The following TANC2 variants were observed in gnomAD, a reference collection of about 807,000 sequenced individuals.
TANC2 encodes tetratricopeptide repeat, ankyrin repeat and coiled-coil containing 2.
TANC2 carries 26 observed loss-of-function variants against 210.5 expected under a neutral mutation model. That is an observed-to-expected ratio of 0.12 (90% confidence interval 0.09 to 0.17). The LOEUF (loss-of-function observed/expected upper bound fraction) is 0.17. Among genes scored for constraint, TANC2 ranks in the 10% least tolerant of loss-of-function variants. The probability of loss-of-function intolerance (pLI) is 1.00; values close to 1 mark genes in which losing one functional copy is unlikely to be tolerated. For synonymous variants in TANC2, 931 were observed against 967.1 expected (o/e 0.96, Z 0.69); for missense variants, 2,129 against 2,608.9 (o/e 0.82, Z 4.01).
At chr17:63,244,993 C>T (rs570022334) in intron 8 of TANC2, among the ~76,000 whole-genome samples, 2 of 113,154 alleles carry the variant, frequency 1.8e-5, no homozygotes, top group South Asian at 2.4e-4. Context: ...TAAACCTCTT[C>T]TCCTGTGTAA....
intron 2 of TANC2, among the ~76,000 whole-genome samples, chr17:63,045,645 A>G (rs2035348367): frequency 1.3e-5 from 2 of 152,040 alleles, no homozygotes; most frequent in Non-Finnish European, 1.5e-5. Flanking sequence ...CATGTGGAGA[A>G]AGCCAATTTT....
At chr17:63,072,165 G>A (rs2144641359) in intron 2 of TANC2, among the ~76,000 whole-genome samples, 1 of 152,228 alleles carries the variant, frequency 6.6e-6, no homozygotes, top group Admixed American at 6.5e-5. Flanking sequence ...AGAGAGTGAG[G>A]TAGAAGGAAT....
At chr17:63,144,891 TTTC>T (rs1047076370) in intron 4 of TANC2, among the ~76,000 whole-genome samples, 32 of 152,226 alleles carry the variant, frequency 2.1e-4, no homozygotes, top group African/African-American at 7.2e-4. Context: ...TTTTTGTTTT[TTTC>T]TTTTCTTTAG....
rs577710845 is a variant in TANC2, at chr17:63,201,828, G to C, written c.769+871G>C. On this transcript the variant is annotated intron_variant, in intron 7 of 27. Coordinates refer to ENST00000689528, the Ensembl canonical transcript of TANC2. The stretch of plus-strand genomic sequence containing the variant: ...AGAGCCAGACGTGGACTGTTGGAGG[G>C]CTCATTCATGTTCAGGAGATAGGCC... Among the ~76,000 whole-genome samples, 511 of 149,750 alleles carry C rather than the reference G, an allele frequency of 3.4e-3. 3 individuals are homozygous for C. Among genetic ancestry groups the C allele is most frequent in the Non-Finnish European group, 5.4e-3 (366 of 67,396 alleles).
rs1302262843 is a variant in TANC2 at position 62,973,756 on chromosome 17, C to A, written c.-24+7007C>A. Among the ~76,000 whole-genome samples, 18 of 152,234 alleles carry A rather than the reference C, an allele frequency of 1.2e-4. No individual in the cohort carries two copies. In the East Asian group the frequency reaches 3.5e-3, roughly 29 times the overall value. On this transcript the variant is annotated intron_variant, in intron 1 of 27. Transcript: ENST00000689528. ...AGTTGCCAAACTATAGCCCATAGAC[C>A]AAATCCAGCCCATTGTCTGTTTTTG...
At chr17:63,359,873 G>A (rs943643064) in intron 14 of TANC2, among the ~76,000 whole-genome samples, 3 of 152,182 alleles carry the variant, frequency 2.0e-5, no homozygotes, top group African/African-American at 7.2e-5. Context: ...TATACCATGG[G>A]ATAGTTGAGT....
Position 63,288,697 on chromosome 17 carries a change from C to T in TANC2, c.1159+20824C>T, listed in dbSNP as rs1237717313. On this transcript the variant is annotated intron_variant, in intron 9 of 27. Transcript: ENST00000689528. ...ACCCCTTTATCATTATGTAATACCC[C>T]TCCCTGTTCCTAATTGTTATCTGTT... is the stretch of plus-strand genomic sequence containing the variant. Among the ~76,000 whole-genome samples the T allele has an allele frequency of 2.0e-5, 3 of 152,006 alleles. No individual in the cohort carries two copies. In the South Asian group the frequency reaches 6.2e-4, roughly 32 times the overall value.
intron 1 of TANC2, among the ~76,000 whole-genome samples, chr17:62,969,376 A>G (rs1568283582): frequency 6.6e-6 from 1 of 152,222 alleles, no homozygotes; most frequent in Non-Finnish European, 1.5e-5. Flanking sequence ...GCTCCTCATC[A>G]ATATGCTATA....
chr17:63,098,484 ACTCT>A (rs1175349288), intron 3 of TANC2, among the ~76,000 whole-genome samples: 2,130 of 72,222 alleles, frequency 0.029, 57 homozygotes, highest in African/African-American at 0.075. Context: ...ACACACATAC[ACTCT>A]CTCTCTCTCT....
chr17:63,035,883 A>C (rs1174862776), intron 2 of TANC2, among the ~76,000 whole-genome samples: 1 of 152,164 alleles, frequency 6.6e-6, no homozygotes, highest in Non-Finnish European at 1.5e-5. Context: ...TGTCAATTGT[A>C]AAAAATTTTA....
chr17:63,412,100 G>C lies in TANC2; in HGVS notation c.3868G>C (p.Val1290Leu), dbSNP rs749866687. Residue 1290 changes from valine (V) to leucine (L), a missense_variant, in exon 23 of 28, where the codon GTC (valine) becomes CTC (leucine). By Grantham distance (32) the Val-to-Leu change is conservative. Transcript: ENST00000689528. This position sits in a 1 kb window ranked among gnomAD's most constrained non-coding sequence, Gnocchi z 4.2. ...GGGGTGCCGGAACACTTCTGTTGTT[G>C]TCACTCTTCTGAAGAAAGGAGCCAA... 1.2e-6 allele frequency: 2 copies of C among 1,613,996 alleles called. No individual in the cohort carries two copies. Among genetic ancestry groups the C allele is most frequent in the Non-Finnish European group, 1.7e-6 (2 of 1,179,884 alleles).
At chr17:63,313,318 C>G (rs2045192718) in intron 9 of TANC2, 1 of 152,162 alleles carries the variant, frequency 6.6e-6, no homozygotes. Context: ...TACCTGGTTT[C>G]AGACAGATAA....
chr17:63,183,972 G>T (rs1421575014), intron 5 of TANC2, among the ~76,000 whole-genome samples: 1 of 151,056 alleles, frequency 6.6e-6, no homozygotes, highest in Non-Finnish European at 1.5e-5. Context: ...AGCCGAGATC[G>T]CGCCACTGCA....
chr17:63,171,230 ACAC>A (rs1567783288), intron 5 of TANC2, among the ~76,000 whole-genome samples: 1 of 151,302 alleles, frequency 6.6e-6, no homozygotes, highest in African/African-American at 2.4e-5. Context: ...TTACAGGCGC[ACAC>A]CACCACACCT....
At chr17:63,004,811 T>C (rs974924076) in intron 1 of TANC2, 3 of 344,376 alleles carry the variant, frequency 8.7e-6, no homozygotes, top group Non-Finnish European at 1.1e-5. Context: ...GTACCTTCTT[T>C]CCTTTCTTTA....
chr17:63,421,596 T>C lies in TANC2; in HGVS notation c.5866T>C (p.Ser1956Pro). 2 of 1,613,976 alleles carry C rather than the reference T, an allele frequency of 1.2e-6. No individual in the cohort carries two copies. Among genetic ancestry groups the C allele is most frequent in the Non-Finnish European group, 1.7e-6 (2 of 1,179,860 alleles). ...GCAGAATCGGACCTGGGCAGTGTCA[T>C]CTGTGGACACCGTCCTCAGTCCCAC... The change falls in exon 28 of 28, where the codon TCT (serine) becomes CCT (proline). Residue 1956 changes from serine (S) to proline (P), a missense_variant. Physicochemically the swap from Ser to Pro is moderately conservative, Grantham distance 74. Coordinates refer to ENST00000689528, the Ensembl canonical transcript of TANC2. The surrounding 1 kb of genome is among the most constrained non-coding windows in gnomAD (Gnocchi z 6.9).
At chr17:63,052,582 G>A (rs1438958538) in intron 2 of TANC2, among the ~76,000 whole-genome samples, 4 of 152,116 alleles carry the variant, frequency 2.6e-5, no homozygotes, top group Non-Finnish European at 4.4e-5. Context: ...CTTGATATAA[G>A]GGGTTAGCAA....
At chr17:63,204,668 A>G (rs1421897574) in intron 7 of TANC2, among the ~76,000 whole-genome samples, 1 of 152,192 alleles carries the variant, frequency 6.6e-6, no homozygotes, top group African/African-American at 2.4e-5. Flanking sequence ...TAAAAGTCAT[A>G]TGGAATCTTA....
chr17:63,189,027 C>T lies in TANC2; in HGVS notation c.434-4964C>T, dbSNP rs941153822. On this transcript the variant is annotated intron_variant, in intron 5 of 27. Coordinates refer to ENST00000689528, the Ensembl canonical transcript of TANC2. ...CAGACATTTCATATGATTGGAATCA[C>T]ACAATATGTAGTCTTTTGTGTCTGA... 6.6e-5 allele frequency among the ~76,000 whole-genome samples: 10 copies of T among 152,132 alleles called. No individual in the cohort carries two copies. The East Asian group carries it at 9.6e-4, about 15-fold the overall frequency.
Sources: allele counts gnomAD v4.1 joint callset (sites outside exome capture counted in the v4.1 genomes callset), GRCh38; gene constraint gnomAD v4.1.1; non-coding constraint Gnocchi (gnomAD v3.1); transcripts MANE v1.5; gene names NCBI Gene and HGNC (gene_info 2026-07-23, HGNC 2026-07-21).